The following IMMP2L variants were observed in gnomAD, a reference collection of about 807,000 sequenced individuals.
IMMP2L encodes the protein mitochondrial inner membrane protease subunit 2.
A neutral mutation model predicts 19.3 loss-of-function variants in IMMP2L; 18 were observed. The ratio of observed to expected loss-of-function variants is 0.93; its 90% CI spans 0.64 to 1.38. The LOEUF (loss-of-function observed/expected upper bound fraction) is 1.38, where lower values mean the gene tolerates loss of function less well. Ranked by LOEUF, IMMP2L falls within the 40% of genes most tolerant of loss-of-function variation. The pLI is 0.00. For synonymous variants in IMMP2L, 76 were observed against 73.0 expected (o/e 1.04, Z -0.21); for missense variants, 233 against 218.2 (o/e 1.07, Z -0.43).
At chr7:111,403,164 G>GT (rs1391236754) in intron 3 of IMMP2L, among the ~76,000 whole-genome samples, 1 of 151,974 alleles carries the variant, frequency 6.6e-6, no homozygotes, top group Non-Finnish European at 1.5e-5. Flanking sequence ...CTGGTGGGAG[G>GT]TGACTGTATC....
At chr7:110,759,446 C>G (rs548439009) in intron 5 of IMMP2L, among the ~76,000 whole-genome samples, 1 of 151,984 alleles carries the variant, frequency 6.6e-6, no homozygotes, top group South Asian at 2.1e-4. Context: ...GCATGATATG[C>G]GAGGAAAGAT....
At chr7:111,510,559 T>C (rs547738087) in intron 2 of IMMP2L, among the ~76,000 whole-genome samples, 2 of 152,226 alleles carry the variant, frequency 1.3e-5, no homozygotes, top group African/African-American at 4.8e-5. Flanking sequence ...ATGCCTTTCA[T>C]ATACAAACTA....
At position 110,663,670 on chromosome 7, in the gene IMMP2L, C is replaced by T. The variant is rs778445815; in HGVS notation, c.460G>A (p.Glu154Lys). The change falls in exon 6 of 6, where the codon GAG becomes AAG. Residue 154 changes from glutamate (E) to lysine (K), a missense_variant. By Grantham distance (56) the Glu-to-Lys change is moderately conservative (BLOSUM62 1). Transcript: ENST00000405709. ...AHATHILWPPERWQKLESVLP... is the reference protein window; with the variant it reads ...AHATHILWPPKRWQKLESVLP... The stretch of plus-strand genomic sequence containing the variant: ...ACAGATTCCAATTTCTGCCAGCGCT[C>T]TGGGGGCCACAGGATATGTGTGGCA... 6.2e-6 allele frequency: 10 copies of T among 1,610,238 alleles called. No individual in the cohort carries two copies. The highest frequency in any genetic ancestry group is 2.2e-5 in the East Asian group (1 of 44,692).
rs562658036 is a variant in IMMP2L at position 111,233,837 on chromosome 7, C to T, written c.239+253401G>A. On this transcript the variant is annotated intron_variant, in intron 3 of 5. Coordinates refer to ENST00000405709, the MANE Select transcript of IMMP2L (RefSeq NM_032549.4). ...ATTATATACCTTTACCAAACAATGT[C>T]TAATGAAAGTCCAAATGTAAAAATT... 5.8e-4 allele frequency among the ~76,000 whole-genome samples: 88 copies of T among 151,970 alleles called. 1 individual carries two copies. Among genetic ancestry groups the T allele is most frequent in the African/African-American group, 2.0e-3 (83 of 41,504 alleles).
intron 5 of IMMP2L, among the ~76,000 whole-genome samples, chr7:110,716,234 T>G (rs1423440035): frequency 6.6e-6 from 1 of 151,890 alleles, no homozygotes; most frequent in Non-Finnish European, 1.5e-5. Flanking sequence ...ATGGATGGTT[T>G]TTCTTTTCTA....
intron 3 of IMMP2L, among the ~76,000 whole-genome samples, chr7:111,160,422 G>T (rs778672596): frequency 6.6e-6 from 1 of 151,974 alleles, no homozygotes; most frequent in Non-Finnish European, 1.5e-5. Context: ...TTTACAAGAA[G>T]CCTGTATGGA....
chr7:110,994,326 T>C (rs1336422782), intron 3 of IMMP2L, among the ~76,000 whole-genome samples: 1 of 152,126 alleles, frequency 6.6e-6, no homozygotes, highest in Non-Finnish European at 1.5e-5. Context: ...CAAAATCAGA[T>C]GTTGTTCCTG....
chr7:111,013,397 A>C (rs1247235034), intron 3 of IMMP2L, among the ~76,000 whole-genome samples: 2 of 152,170 alleles, frequency 1.3e-5, no homozygotes, highest in Non-Finnish European at 2.9e-5. Context: ...TTGCACAAGG[A>C]AAGTAGCAAT....
At chr7:111,446,196 G>C (rs1365558746) in intron 3 of IMMP2L, among the ~76,000 whole-genome samples, 1 of 152,180 alleles carries the variant, frequency 6.6e-6, no homozygotes, top group African/African-American at 2.4e-5. Context: ...AAACTGGGTG[G>C]AGCCCGCCAC....
chr7:111,110,090 A>T (rs1407110866), intron 3 of IMMP2L, among the ~76,000 whole-genome samples: 1 of 152,132 alleles, frequency 6.6e-6, no homozygotes, highest in Admixed American at 6.5e-5. Flanking sequence ...AGCTGAGATC[A>T]CGCCACTGCA....
intron 5 of IMMP2L, among the ~76,000 whole-genome samples, chr7:110,747,743 G>A (rs567169626): frequency 2.0e-5 from 3 of 152,088 alleles, no homozygotes; most frequent in Non-Finnish European, 2.9e-5. Context: ...TTGATGGAAC[G>A]TATTTCAAAA....
chr7:111,473,653 T>C (rs572852687), intron 3 of IMMP2L, among the ~76,000 whole-genome samples: 1 of 152,258 alleles, frequency 6.6e-6, no homozygotes, highest in East Asian at 1.9e-4. Flanking sequence ...TTGATAGTCA[T>C]GACATTGCAT....
intron 3 of IMMP2L, among the ~76,000 whole-genome samples, chr7:111,368,985 T>C (rs1241395108): frequency 1.3e-5 from 2 of 151,948 alleles, no homozygotes; most frequent in Admixed American, 1.3e-4. Flanking sequence ...TCATAAAATA[T>C]TATGTTTTAT....
intron 5 of IMMP2L, among the ~76,000 whole-genome samples, chr7:110,743,023 G>A (rs745891616): frequency 3.9e-5 from 6 of 151,976 alleles, no homozygotes; most frequent in Admixed American, 1.3e-4. Flanking sequence ...ATTCTTTAAT[G>A]TTTTCTGTAT....
intron 3 of IMMP2L, among the ~76,000 whole-genome samples, chr7:111,081,290 A>T (rs904861281): frequency 6.6e-5 from 10 of 152,368 alleles, no homozygotes; most frequent in African/African-American, 2.4e-4. Flanking sequence ...ATATTTAAGG[A>T]AAAAAGAAAA....
chr7:111,477,965 G>A (rs1275204552), intron 3 of IMMP2L, among the ~76,000 whole-genome samples: 1 of 151,972 alleles, frequency 6.6e-6, no homozygotes, highest in Non-Finnish European at 1.5e-5. Context: ...CCCTAAATGT[G>A]CTTTCATTGT....
intron 5 of IMMP2L, among the ~76,000 whole-genome samples, chr7:110,683,024 T>C (rs1014217546): frequency 1.3e-5 from 2 of 152,092 alleles, no homozygotes; most frequent in African/African-American, 2.4e-5. Flanking sequence ...AAGGGGGCCA[T>C]TGAGATTAGT....
intron 5 of IMMP2L, among the ~76,000 whole-genome samples, chr7:110,719,350 A>G (rs537323773): frequency 6.6e-6 from 1 of 152,218 alleles, no homozygotes; most frequent in Non-Finnish European, 1.5e-5. Context: ...AGGTATTTCA[A>G]GGTGAAAAGA....
At chr7:110,672,520 AACCC>A (rs1318295382) in intron 5 of IMMP2L, among the ~76,000 whole-genome samples, 1 of 152,146 alleles carries the variant, frequency 6.6e-6, no homozygotes, top group Non-Finnish European at 1.5e-5. Flanking sequence ...TTCCACCATT[AACCC>A]AAAAGTCTAA....
Sources: allele counts gnomAD v4.1 joint callset (sites outside exome capture counted in the v4.1 genomes callset), GRCh38; gene constraint gnomAD v4.1.1; transcripts MANE v1.5; gene names NCBI Gene and HGNC (gene_info 2026-07-23, HGNC 2026-07-21).